Variants in GRAP2 observed in about 807,000 individuals in gnomAD.
GRAP2 encodes the protein GRB2 related adaptor protein 2, also known as GRB2-related adapter protein 2.
Under a neutral mutation model 43.5 loss-of-function variants are expected in GRAP2, and 31 were observed. The ratio of observed to expected loss-of-function variants is 0.71; its 90% CI spans 0.54 to 0.96. The LOEUF (loss-of-function observed/expected upper bound fraction) is 0.96. Ranked by LOEUF, GRAP2 falls within the 40% of genes least tolerant of loss-of-function variation. GRAP2 has a pLI of 0.00. For missense variants in GRAP2, 371 were observed against 424.4 expected (o/e 0.87, Z 1.11); for synonymous variants, 156 against 164.8 (o/e 0.95, Z 0.41).
At chr22:39,957,951 TTAAA>T (rs1220193773) in intron 3 of GRAP2, among the ~76,000 whole-genome samples, 3 of 151,672 alleles carry the variant, frequency 2.0e-5, no homozygotes, top group African/African-American at 4.8e-5. Flanking sequence ...AAAAAAAAAT[TTAAA>T]TAAATAAATA....
At chr22:39,943,551 TG>T (rs1333398041) in intron 1 of GRAP2, among the ~76,000 whole-genome samples, 1 of 150,470 alleles carries the variant, frequency 6.6e-6, no homozygotes, top group African/African-American at 2.5e-5. Flanking sequence ...GTTGGCGGGG[TG>T]GGGGTTGGGG....
intron 1 of GRAP2, among the ~76,000 whole-genome samples, chr22:39,925,366 C>T (rs1271873577): frequency 6.6e-6 from 1 of 152,190 alleles, no homozygotes; most frequent in African/African-American, 2.4e-5. Context: ...CCTACTGTCT[C>T]TGCACTGTAA....
chr22:39,962,242 G>A (rs1414389063), intron 4 of GRAP2, among the ~76,000 whole-genome samples: 3 of 152,268 alleles, frequency 2.0e-5, no homozygotes, highest in Non-Finnish European at 4.4e-5. Flanking sequence ...GGGGCAACTA[G>A]TGAGACCTCA....
chr22:39,950,412 G>A lies in GRAP2; in HGVS notation c.78+3228G>A, dbSNP rs376026167. Among the ~76,000 whole-genome samples, 12 of 152,272 alleles carry A rather than the reference G, an allele frequency of 7.9e-5. No individual in the cohort carries two copies. In the East Asian group the frequency reaches 1.7e-3, roughly 22 times the overall value. ...TTGCCCCGTGGGATCCTAATTGCTC[G>A]TTTATGTGTTGTCTACTCCACTAGC... On this transcript the variant is annotated intron_variant, in intron 2 of 7. Transcript: ENST00000344138.
chr22:39,965,998 A>G lies in GRAP2; in HGVS notation c.299A>G (p.Asp100Gly), dbSNP rs1465935051. The G allele has an allele frequency of 6.2e-7, 1 of 1,614,006 alleles. No homozygotes were observed. The highest frequency in any genetic ancestry group is 8.5e-7 in the Non-Finnish European group (1 of 1,179,824). Residue 100 changes from aspartate (D) to glycine (G), a missense_variant, in exon 5 of 8, where the codon GAT becomes GGT. Coordinates refer to ENST00000344138, the MANE Select transcript of GRAP2 (RefSeq NM_004810.4). ...TTTGCCTTGATCTCCAGGCATGAGG[A>G]TGACGTTCAACACTTCAAGGTCATG... ...GDFSISVRHEDDVQHFKVMRD... is the reference protein window; with the variant it reads ...GDFSISVRHEGDVQHFKVMRD...
In GRAP2 at chr22:39,967,281, G is replaced by A. The variant is rs113801216; in HGVS notation, c.460-761G>A. ...CAGAAGTTCAGAAAGGAAAACAAAG[G>A]CTAGCCAAGACCTTGTGAATCACTC... On this transcript the variant is annotated intron_variant, in intron 5 of 7. Transcript: ENST00000344138. 1.4e-4 allele frequency among the ~76,000 whole-genome samples: 21 copies of A among 152,252 alleles called. 1 individual carries two copies. Among genetic ancestry groups the A allele is most frequent in the African/African-American group, 4.8e-4 (20 of 41,534 alleles).
Position 39,901,345 on chromosome 22 carries a change from A to G in GRAP2, c.-15+15A>G. The G allele has an allele frequency of 1.1e-6, 1 of 945,360 alleles. No individual in the cohort carries two copies. Among genetic ancestry groups the G allele is most frequent in the Non-Finnish European group, 1.5e-6 (1 of 674,858 alleles). 58.6% of individuals were successfully genotyped at this position (945,360 alleles called of 1,614,324 possible). On this transcript the variant is annotated intron_variant, in intron 1 of 7. Coordinates refer to ENST00000344138, the MANE Select transcript of GRAP2 (RefSeq NM_004810.4). ...TCTTCCAAAAGGTATGTCATTATAC[A>G]ACATCTGTACATATACTCTAGAAAC...
chr22:39,925,885 A>T (rs545476948), intron 1 of GRAP2, among the ~76,000 whole-genome samples: 1 of 152,288 alleles, frequency 6.6e-6, no homozygotes, highest in Admixed American at 6.5e-5. Context: ...TGTCCTCATT[A>T]TCTGAAGCCT....
intron 1 of GRAP2, among the ~76,000 whole-genome samples, chr22:39,912,642 C>A (rs1284624889): frequency 1.3e-5 from 2 of 152,172 alleles, no homozygotes; most frequent in Non-Finnish European, 2.9e-5. Flanking sequence ...TCAATAGTGA[C>A]AAGGTTGGAA....
intron 1 of GRAP2, among the ~76,000 whole-genome samples, chr22:39,937,148 G>A (rs2066814767): frequency 6.6e-6 from 1 of 152,248 alleles, no homozygotes; most frequent in Non-Finnish European, 1.5e-5. Flanking sequence ...ATGTTGCAAC[G>A]GGTGACCGAT....
At position 39,968,067 on chromosome 22, in the gene GRAP2, G is replaced by A. The variant is rs374041033; in HGVS notation, c.485G>A (p.Arg162Gln). ...GGTCACCGGGGCAACAGCCTGGACC[G>A]GAGGTCCCAGGGAGGCCCACACCTC... Reference protein sequence around the residue: ...DQGHRGNSLDRRSQGGPHLSG... With the variant: ...DQGHRGNSLDQRSQGGPHLSG... Residue 162 changes from arginine (R) to glutamine (Q), a missense_variant, in exon 6 of 8, where the codon CGG (arginine) becomes CAG (glutamine). By Grantham distance (43) the Arg-to-Gln change is conservative. Transcript: ENST00000344138. The A allele has an allele frequency of 2.9e-5, 47 of 1,611,824 alleles. No individual in the cohort carries two copies. Among genetic ancestry groups the A allele is most frequent in the Middle Eastern group, 3.3e-4 (2 of 6,054 alleles).
intron 1 of GRAP2, among the ~76,000 whole-genome samples, chr22:39,945,065 G>C (rs1295576894): frequency 1.3e-5 from 2 of 152,168 alleles, no homozygotes; most frequent in East Asian, 3.8e-4. Flanking sequence ...AAAATGATGG[G>C]GTGAATCAAA....
At chr22:39,924,645 T>A (rs1374522953) in intron 1 of GRAP2, among the ~76,000 whole-genome samples, 1 of 151,862 alleles carries the variant, frequency 6.6e-6, no homozygotes, top group Non-Finnish European at 1.5e-5. Flanking sequence ...GAGGTTGCAG[T>A]GAGCCAAGAT....
At chr22:39,956,073 C>T (rs957559031) in intron 3 of GRAP2, among the ~76,000 whole-genome samples, 163 bp downstream of exon 3, 4 of 152,068 alleles carry the variant, frequency 2.6e-5, no homozygotes, top group Non-Finnish European at 5.9e-5. Flanking sequence ...AAGGCCAGGG[C>T]AGGAGGGAGA....
chr22:39,928,192 A>G (rs1018781003), intron 1 of GRAP2, among the ~76,000 whole-genome samples: 2 of 151,936 alleles, frequency 1.3e-5, no homozygotes, highest in African/African-American at 2.4e-5. Flanking sequence ...TTTGTCTTCT[A>G]TCTCTTGCCA....
At chr22:39,945,530 C>T (rs55907940) in intron 1 of GRAP2, among the ~76,000 whole-genome samples, 4 of 152,114 alleles carry the variant, frequency 2.6e-5, no homozygotes, top group African/African-American at 9.7e-5. Context: ...GTTGACTGGT[C>T]GCTGAAAGTC....
chr22:39,946,885 G>A (rs948468072), intron 1 of GRAP2: 8 of 474,118 alleles, frequency 1.7e-5, no homozygotes, highest in South Asian at 6.7e-5. Flanking sequence ...TGGGGATTCC[G>A]AGAATGATCC....
intron 2 of GRAP2, among the ~76,000 whole-genome samples, chr22:39,953,309 G>A (rs539351271): frequency 2.0e-5 from 3 of 152,120 alleles, no homozygotes; most frequent in East Asian, 3.9e-4. Context: ...CCCTTTCTCA[G>A]CCCTGCCTCC....
At chr22:39,938,942 C>T (rs1371351805) in intron 1 of GRAP2, among the ~76,000 whole-genome samples, 1 of 152,086 alleles carries the variant, frequency 6.6e-6, no homozygotes, top group African/African-American at 2.4e-5. Flanking sequence ...AGGCCCCCCT[C>T]GTTCCATGTG....
Sources: allele counts gnomAD v4.1 joint callset (sites outside exome capture counted in the v4.1 genomes callset), GRCh38; gene constraint gnomAD v4.1.1; transcripts MANE v1.5; gene names NCBI Gene and HGNC (gene_info 2026-07-23, HGNC 2026-07-21).